The following RBFOX1 variants were observed in gnomAD, a reference collection of about 807,000 sequenced individuals.
The protein encoded by RBFOX1 is RNA binding protein fox-1 homolog 1.
In RBFOX1, 8 loss-of-function variants were observed where a neutral mutation model predicts 57.7. That is an observed-to-expected ratio of 0.14 (90% confidence interval 0.08 to 0.25). RBFOX1 has a LOEUF of 0.25. RBFOX1 is among the 10% of genes least tolerant of loss of function. The pLI, the probability that RBFOX1 is intolerant of heterozygous loss-of-function variation, is 1.00. For missense variants in RBFOX1, 611 were observed against 548.5 expected, an observed-to-expected ratio of 1.11 and a Z score of -1.14; for synonymous variants, 326 against 222.4, an observed-to-expected ratio of 1.47 and a Z score of -4.15.
intron 1 of RBFOX1, among the ~76,000 whole-genome samples, chr16:5,454,894 CTTTCTTTCTTTCTTTCTTTCCTTTG>C (rs2068554235): frequency 1.2e-5 from 1 of 84,832 alleles, no homozygotes; most frequent in Non-Finnish European, 2.5e-5. Context: ...TTCTTTCTTT[CTTTCTTTCTTTCTTTCTTTCCTTTG>C]TTTCTTTCTT....
chr16:5,847,588 G>C (rs1217162294), intron 3 of RBFOX1, among the ~76,000 whole-genome samples: 2 of 152,136 alleles, frequency 1.3e-5, no homozygotes, highest in African/African-American at 4.8e-5. Flanking sequence ...AGAGCAACAT[G>C]GTTATGAATT....
intron 2 of RBFOX1, among the ~76,000 whole-genome samples, chr16:6,451,897 C>G (rs968720971): frequency 1.3e-5 from 2 of 151,506 alleles, no homozygotes; most frequent in Admixed American, 6.6e-5. Flanking sequence ...TGGCCACTCC[C>G]TCCCATGACT....
At chr16:7,579,214 A>G (rs907239055) in intron 5 of RBFOX1, among the ~76,000 whole-genome samples, 8 of 152,350 alleles carry the variant, frequency 5.3e-5, no homozygotes, top group South Asian at 2.1e-4. Context: ...GAATAAGTCA[A>G]TCAGCTGGTT....
At chr16:6,170,163 G>A (rs557154403) in intron 1 of RBFOX1, among the ~76,000 whole-genome samples, 200 of 152,292 alleles carry the variant, frequency 1.3e-3, no homozygotes, top group Non-Finnish European at 2.6e-3. Flanking sequence ...TGAATTATAT[G>A]TGTGAGGCTA....
intron 1 of RBFOX1, among the ~76,000 whole-genome samples, chr16:6,306,844 GA>G (rs2079568275): frequency 6.6e-6 from 1 of 152,064 alleles, no homozygotes; most frequent in South Asian, 2.1e-4. Context: ...AAATGTCACA[GA>G]CCCCCCAAAA....
At chr16:6,024,948 A>G (rs942235769) in intron 1 of RBFOX1, among the ~76,000 whole-genome samples, 10 of 152,220 alleles carry the variant, frequency 6.6e-5, no homozygotes, top group Non-Finnish European at 1.5e-4. Flanking sequence ...GGCGTTTCAG[A>G]GAAGGGGACC....
At chr16:5,755,845 G>A (rs909843793) in intron 3 of RBFOX1, among the ~76,000 whole-genome samples, 1 of 152,140 alleles carries the variant, frequency 6.6e-6, no homozygotes, top group East Asian at 1.9e-4. Flanking sequence ...TGATCCGCCT[G>A]CCTCGGCCTC....
chr16:7,704,467 C>T (rs2081786056), intron 14 of RBFOX1, among the ~76,000 whole-genome samples: 1 of 152,090 alleles, frequency 6.6e-6, no homozygotes, highest in Admixed American at 6.5e-5. Context: ...AGCAGCTGAC[C>T]CAGAGTCTTC....
At chr16:5,955,198 C>A (rs1445171163) in intron 4 of RBFOX1, among the ~76,000 whole-genome samples, 2 of 100,970 alleles carry the variant, frequency 2.0e-5, no homozygotes, top group African/African-American at 1.0e-4. Context: ...ACAGGAATTG[C>A]TTGAACCAGG....
At chr16:6,744,995 G>A (rs2073230641) in intron 3 of RBFOX1, among the ~76,000 whole-genome samples, 1 of 151,896 alleles carries the variant, frequency 6.6e-6, no homozygotes, top group African/African-American at 2.4e-5. Context: ...TATAGAAAGA[G>A]GAGGCATCAC....
chr16:7,492,121 G>T (rs1377277012), intron 4 of RBFOX1, among the ~76,000 whole-genome samples: 1 of 152,182 alleles, frequency 6.6e-6, no homozygotes, highest in African/African-American at 2.4e-5. Flanking sequence ...AAAAGACTCT[G>T]CAATAAACAG....
Position 7,712,675 on chromosome 16 carries a change from C to G in RBFOX1, c.*1930C>G, listed in dbSNP as rs958739264. On this transcript the variant is annotated 3_prime_UTR_variant, in exon 16 of 16. Coordinates refer to ENST00000550418, the MANE Select transcript of RBFOX1 (RefSeq NM_018723.4). ...TGTTTTATAGCATCACTAAGACATT[C>G]TCATTCCCCCACCTGGAAAACAGTG... 6.6e-6 allele frequency: 1 copy of G among 152,182 alleles called. No homozygotes were observed. The highest frequency in any genetic ancestry group is 6.5e-5 in the Admixed American group (1 of 15,268). 9.4% of individuals were successfully genotyped at this position (152,182 alleles called of 1,614,324 possible). A position where few individuals can be genotyped will look rare whatever the true frequency, so the allele number is the denominator to read the frequency against.
intron 4 of RBFOX1, among the ~76,000 whole-genome samples, chr16:7,171,632 G>C (rs1601782233): frequency 6.6e-6 from 1 of 152,120 alleles, no homozygotes; most frequent in East Asian, 1.9e-4. Context: ...ACATGGAAGG[G>C]GCCATTTCCA....
At chr16:6,533,672 C>G (rs2345023) in intron 2 of RBFOX1, among the ~76,000 whole-genome samples, 78,461 of 151,820 alleles carry the variant, frequency 0.52, 20,408 homozygotes, top group East Asian at 0.69. Flanking sequence ...CTACTGGATG[C>G]TGGAATGGAA....
chr16:6,636,783 A>AAT (rs1555635304), intron 2 of RBFOX1, among the ~76,000 whole-genome samples: 5 of 36,634 alleles, frequency 1.4e-4, no homozygotes, highest in Non-Finnish European at 1.6e-4. Flanking sequence ...TAATATATAT[A>AAT]ATATATAATA....
At chr16:5,706,024 C>T (rs909094822) in intron 3 of RBFOX1, among the ~76,000 whole-genome samples, 10 of 152,270 alleles carry the variant, frequency 6.6e-5, no homozygotes, top group African/African-American at 1.9e-4. Context: ...AATTCTCTTG[C>T]GTCTGCCTCC....
At chr16:7,547,391 T>G (rs2084877235) in intron 5 of RBFOX1, among the ~76,000 whole-genome samples, 1 of 152,184 alleles carries the variant, frequency 6.6e-6, no homozygotes, top group Non-Finnish European at 1.5e-5. Flanking sequence ...AAACATAATT[T>G]ATTAAGTGAG....
Position 7,137,145 on chromosome 16 carries a change from G to A in RBFOX1, c.27+85047G>A, listed in dbSNP as rs113480439. Among the ~76,000 whole-genome samples, 701 of 152,326 alleles carry A rather than the reference G, an allele frequency of 4.6e-3. 13 individuals carry two copies. Among genetic ancestry groups the A allele is most frequent in the Non-Finnish European group, 5.0e-3 (343 of 68,028 alleles). On this transcript the variant is annotated intron_variant, in intron 4 of 15. Coordinates refer to ENST00000550418, the MANE Select transcript of RBFOX1 (RefSeq NM_018723.4). Reference sequence around the variant, plus strand: ...AAATACCTAAAGAATGATGCAGTGGGTTTCTAGGTACATCTGAGTCCAGCT... The same window carrying A: ...AAATACCTAAAGAATGATGCAGTGGATTTCTAGGTACATCTGAGTCCAGCT...
At chr16:7,197,824 T>C (rs2087129742) in intron 4 of RBFOX1, among the ~76,000 whole-genome samples, 1 of 151,970 alleles carries the variant, frequency 6.6e-6, no homozygotes, top group Non-Finnish European at 1.5e-5. Flanking sequence ...ACACAAAAGG[T>C]CACATGTTAT....
Sources: allele counts gnomAD v4.1 joint callset (sites outside exome capture counted in the v4.1 genomes callset), GRCh38; gene constraint gnomAD v4.1.1; transcripts MANE v1.5; gene names NCBI Gene and HGNC (gene_info 2026-07-23, HGNC 2026-07-21).